PEX1: variants seen among roughly 807,000 people sequenced by gnomAD.
The protein encoded by PEX1 is peroxisomal ATPase PEX1.
A neutral mutation model predicts 152.5 loss-of-function variants in PEX1; 97 were observed. The ratio of observed to expected loss-of-function variants is 0.64; its 90% CI spans 0.54 to 0.75. The LOEUF (loss-of-function observed/expected upper bound fraction) is 0.75. PEX1 is among the 30% of genes least tolerant of loss of function. PEX1 has a pLI of 0.00. For missense variants in PEX1, 1,357 were observed against 1,516.3 expected, an observed-to-expected ratio of 0.89 and a Z score of 1.74; for synonymous variants, 485 against 531.6, an observed-to-expected ratio of 0.91 and a Z score of 1.21.
intron 20 of PEX1, among the ~76,000 whole-genome samples, chr7:92,492,402 A>G (rs1220977886): frequency 6.6e-6 from 1 of 152,220 alleles, no homozygotes; most frequent in Non-Finnish European, 1.5e-5. Context: ...ACTAGGCCCA[A>G]ATGATCCTCC....
chr7:92,501,380 A>G lies in PEX1; in HGVS notation c.2583+127T>C, dbSNP rs900291022. ...TACCTAAAATAGTGTTAAGACATTT[A>G]TTTGGTAACTCAGTAAACACTTGTT... On this transcript the variant is annotated intron_variant, in intron 15 of 23. Coordinates refer to ENST00000248633, the MANE Select transcript of PEX1 (RefSeq NM_000466.3). 290 of 730,972 alleles carry G rather than the reference A, an allele frequency of 4.0e-4. 3 individuals carry two copies. The highest frequency in any genetic ancestry group is 1.3e-3 in the Middle Eastern group (4 of 3,120). 45.3% of individuals were successfully genotyped at this position (730,972 alleles called of 1,614,324 possible).
intron 5 of PEX1, among the ~76,000 whole-genome samples, chr7:92,516,623 G>C (rs953540048): frequency 6.6e-6 from 1 of 152,070 alleles, no homozygotes; most frequent in Admixed American, 6.6e-5. Flanking sequence ...ACTTTACAGT[G>C]GTTCAAATTT....
intron 17 of PEX1, 55 bp downstream of exon 17, chr7:92,496,658 G>T: frequency 1.7e-6 from 2 of 1,161,830 alleles, no homozygotes; most frequent in South Asian, 2.4e-5. Flanking sequence ...AAAAAGCACT[G>T]ATTGATAAAT....
At chr7:92,506,443 C>T (rs554931607) in intron 10 of PEX1, 99 bp from the exon 11 acceptor site, 2 of 780,278 alleles carry the variant, frequency 2.6e-6, no homozygotes, top group South Asian at 2.8e-5. Context: ...CAATTTTATA[C>T]AACCTCTTCC....
At chr7:92,524,292 G>A (rs572872989) in intron 1 of PEX1, among the ~76,000 whole-genome samples, 30 of 148,748 alleles carry the variant, frequency 2.0e-4, no homozygotes, top group Non-Finnish European at 3.7e-4. Context: ...TCTTGAGACG[G>A]AGACTCACTC....
Position 92,487,190 on chromosome 7 carries a change from C to G in PEX1, c.*267G>C, listed in dbSNP as rs1790965751. ...CCTCAAAAGAAATAAATTAGTTCCACCATTTGGCTAATATTATTTCATTAA... is the reference window on the plus strand; with the variant it reads ...CCTCAAAAGAAATAAATTAGTTCCAGCATTTGGCTAATATTATTTCATTAA... On this transcript the variant is annotated 3_prime_UTR_variant, in exon 24 of 24. Transcript: ENST00000248633. 1 of 229,352 alleles carries G rather than the reference C, an allele frequency of 4.4e-6. No individual in the cohort carries two copies. The highest frequency in any genetic ancestry group is 8.4e-6 in the Non-Finnish European group (1 of 119,296). 14.2% of individuals were successfully genotyped at this position (229,352 alleles called of 1,614,324 possible).
intron 8 of PEX1, among the ~76,000 whole-genome samples, chr7:92,509,873 G>C (rs932031107): frequency 5.3e-5 from 8 of 152,194 alleles, no homozygotes; most frequent in African/African-American, 1.9e-4. Context: ...GCTGGGTGTG[G>C]TGGTTTACAC....
At chr7:92,512,987 T>C (rs983252724) in intron 6 of PEX1, among the ~76,000 whole-genome samples, 2 of 152,228 alleles carry the variant, frequency 1.3e-5, no homozygotes, top group African/African-American at 4.8e-5. Context: ...ATCCAAAGAA[T>C]TAACTGAGTA....
At chr7:92,516,051 G>GAAA (rs1562864765) in intron 5 of PEX1, among the ~76,000 whole-genome samples, 26 of 75,366 alleles carry the variant, frequency 3.4e-4, no homozygotes, top group African/African-American at 1.2e-3. Flanking sequence ...GAGAAGAGAA[G>GAAA]AGAAAAAAGA....
At chr7:92,499,943 C>A in intron 15 of PEX1, 105 bp from the exon 16 acceptor site, 1 of 831,306 alleles carries the variant, frequency 1.2e-6, no homozygotes. Flanking sequence ...AGATGGTAAT[C>A]ACGACCATCT....
intron 2 of PEX1, among the ~76,000 whole-genome samples, chr7:92,519,423 T>C (rs547893352): frequency 6.6e-6 from 1 of 152,286 alleles, no homozygotes; most frequent in South Asian, 2.1e-4. Flanking sequence ...AAATATTTAT[T>C]ACTTATTCTT....
chr7:92,489,294 G>A lies in PEX1; in HGVS notation c.3766C>T (p.Leu1256=). 1 of 1,613,206 alleles carries A rather than the reference G, an allele frequency of 6.2e-7. No individual in the cohort carries two copies. The highest frequency in any genetic ancestry group is 8.5e-7 in the Non-Finnish European group (1 of 1,179,440). The change falls in exon 23 of 24, where the codon CTA becomes TTA. Residue 1256 remains leucine, a splice_region_variant and synonymous_variant. Transcript: ENST00000248633. ...TCCAAAACAGAATCTGTTACTTACA[G>A]CTCAGCAAAATTCTTCCAGTCATCT... ...SEDDWKNFAE[L]YESFQNPKRR... is the part of the protein sequence containing the mutation.
intron 8 of PEX1, 83 bp downstream of exon 8, chr7:92,510,860 AG>A (rs1308256248): frequency 3.5e-5 from 26 of 733,244 alleles, no homozygotes; most frequent in Non-Finnish European, 5.8e-5. Flanking sequence ...TCACAATGCA[AG>A]GTGTTACAAG....
chr7:92,487,553 AAG>A lies in PEX1; in HGVS notation c.3768-14_3768-13del, dbSNP rs778216029. On this transcript the variant is annotated splice_polypyrimidine_tract_variant and intron_variant, in intron 23 of 23. Transcript: ENST00000248633. ...GAAAGCTTTCATATCTGAAAAAAGAAAGAGATAATTTAATATGTATAAATACT... is the reference window on the plus strand; with the variant it reads ...GAAAGCTTTCATATCTGAAAAAAGAAAGATAATTTAATATGTATAAATACT... 7.4e-7 allele frequency: 1 copy of A among 1,357,880 alleles called. No homozygotes were observed. The highest frequency in any genetic ancestry group is 1.7e-5 in the Admixed American group (1 of 58,520). 84.1% of individuals were successfully genotyped at this position (1,357,880 alleles called of 1,614,324 possible).
chr7:92,489,910 C>G lies in PEX1; in HGVS notation c.3440G>C (p.Ser1147Thr), dbSNP rs748055790. Residue 1147 changes from serine (S) to threonine (T), a missense_variant and splice_region_variant, in exon 22 of 24, where the codon AGC (serine) becomes ACC (threonine). Transcript: ENST00000248633. ...ELGNGTSSDL[S>T]SQCLSAPSSM... ...GCTTGGTGCAGAGAGACATTGTGAG[C>G]TCTGCATGGTAAATTGTAGTAATGA... 6.8e-6 allele frequency: 11 copies of G among 1,612,764 alleles called. No individual in the cohort carries two copies. The South Asian group carries it at 1.2e-4, about 18-fold the overall frequency.
At chr7:92,518,420 T>C (rs1448486821) in intron 3 of PEX1, among the ~76,000 whole-genome samples, 165 bp from the exon 4 acceptor site, 1 of 152,252 alleles carries the variant, frequency 6.6e-6, no homozygotes, top group East Asian at 1.9e-4. Context: ...ATGGTTACTA[T>C]AGTGAAGTAA....
chr7:92,512,796 T>A (rs984093555), intron 6 of PEX1, among the ~76,000 whole-genome samples: 2 of 152,028 alleles, frequency 1.3e-5, no homozygotes, highest in Non-Finnish European at 2.9e-5. Flanking sequence ...GGCTTAATTT[T>A]TTTTTTAATT....
At chr7:92,488,037 T>C (rs943997316) in intron 23 of PEX1, among the ~76,000 whole-genome samples, 3 of 152,216 alleles carry the variant, frequency 2.0e-5, no homozygotes, top group Non-Finnish European at 4.4e-5. Flanking sequence ...GCAAGAATGT[T>C]CATTACCACA....
chr7:92,510,550 G>A (rs563763353), intron 8 of PEX1, among the ~76,000 whole-genome samples: 18 of 151,856 alleles, frequency 1.2e-4, no homozygotes, highest in South Asian at 2.1e-4. Flanking sequence ...GAAGAGTTGC[G>A]AATTTAAGAA....
Sources: gnomAD v4.1 joint callset for allele counts (sites outside exome capture counted in the v4.1 genomes callset) on GRCh38, gnomAD v4.1.1 for gene constraint, MANE v1.5 for transcripts, NCBI Gene and HGNC (gene_info 2026-07-23, HGNC 2026-07-21) for gene names.